The following PLEKHA5 variants were observed in gnomAD, a reference collection of about 807,000 sequenced individuals.
PLEKHA5 encodes the protein pleckstrin homology domain-containing family A member 5.
A neutral mutation model predicts 181.9 loss-of-function variants in PLEKHA5; 55 were observed. The ratio of observed to expected loss-of-function variants is 0.30; its 90% CI spans 0.24 to 0.38. The LOEUF is 0.38. Among genes scored for constraint, PLEKHA5 ranks in the 10% least tolerant of loss-of-function variants. PLEKHA5 has a pLI of 1.00. For synonymous variants in PLEKHA5, 535 were observed against 529.4 expected (o/e 1.01, Z -0.15); for missense variants, 1,432 against 1,549.5 (o/e 0.92, Z 1.27).
chr12:19,165,467 T>C (rs2044127434), intron 3 of PLEKHA5, among the ~76,000 whole-genome samples: 1 of 152,020 alleles, frequency 6.6e-6, no homozygotes, highest in Non-Finnish European at 1.5e-5. Context: ...ATGAATTACA[T>C]TTTGGATCAA....
chr12:19,352,947 T>A (rs1051681046), intron 25 of PLEKHA5, among the ~76,000 whole-genome samples: 22 of 113,180 alleles, frequency 1.9e-4, no homozygotes, highest in South Asian at 2.9e-4. Flanking sequence ...CACACCCAGC[T>A]TTTTTTTTTT....
At chr12:19,359,378 A>T in intron 27 of PLEKHA5, 34 bp from the exon 28 acceptor site, 2 of 1,592,080 alleles carry the variant, frequency 1.3e-6, no homozygotes, top group Non-Finnish European at 1.7e-6. Context: ...CATGCACAGT[A>T]TGAGTATAAA....
Position 19,336,537 on chromosome 12 carries a change from A to T in PLEKHA5, c.2471A>T (p.Glu824Val). Residue 824 changes from glutamate (E) to valine (V), a missense_variant, in exon 21 of 32, where the codon GAA (glutamate) becomes GTA (valine). Glu to Val is a moderately radical substitution (Grantham distance 121). Coordinates refer to ENST00000429027, the MANE Select transcript of PLEKHA5 (RefSeq NM_001256470.2). ...ATAELERAWR[E>V]YDKLEYDVTV... ...TAGGAATTGGAACGAGCATGGAGAGAATATGATAAGTTAGAATACGATGTA... is the reference window on the plus strand; with the variant it reads ...TAGGAATTGGAACGAGCATGGAGAGTATATGATAAGTTAGAATACGATGTA... 6.2e-7 allele frequency: 1 copy of T among 1,604,788 alleles called. No homozygotes were observed. The highest frequency in any genetic ancestry group is 8.5e-7 in the Non-Finnish European group (1 of 1,172,746).
intron 6 of PLEKHA5, among the ~76,000 whole-genome samples, chr12:19,257,873 A>G (rs2067270330): frequency 6.6e-6 from 1 of 152,174 alleles, no homozygotes; most frequent in African/African-American, 2.4e-5. Flanking sequence ...ATAAACAACT[A>G]AATATTAATA....
At chr12:19,263,950 G>A (rs2069423457) in intron 7 of PLEKHA5, among the ~76,000 whole-genome samples, 1 of 152,154 alleles carries the variant, frequency 6.6e-6, no homozygotes. Flanking sequence ...CTAGGTAATA[G>A]AAACTAGGAC....
intron 3 of PLEKHA5, among the ~76,000 whole-genome samples, chr12:19,246,414 G>A (rs2063758066): frequency 6.6e-6 from 1 of 151,748 alleles, no homozygotes; most frequent in South Asian, 2.1e-4. Flanking sequence ...CATGAGGTCA[G>A]GAGTTTGAGA....
intron 29 of PLEKHA5, among the ~76,000 whole-genome samples, chr12:19,363,574 C>T (rs2095330572): frequency 6.6e-6 from 1 of 151,968 alleles, no homozygotes; most frequent in South Asian, 2.1e-4. Flanking sequence ...ACACTGCAAC[C>T]TCCACCTCCT....
intron 3 of PLEKHA5, among the ~76,000 whole-genome samples, chr12:19,169,263 TAA>T (rs113327862): frequency 0.019 from 2,598 of 139,294 alleles, 88 homozygotes; most frequent in African/African-American, 0.064. Context: ...GTTGTCAAGT[TAA>T]AAAAAAAAAA....
At chr12:19,182,977 C>G (rs1322341448) in intron 3 of PLEKHA5, among the ~76,000 whole-genome samples, 1 of 152,076 alleles carries the variant, frequency 6.6e-6, no homozygotes, top group East Asian at 1.9e-4. Flanking sequence ...CACAGATGAA[C>G]AAAACAAGTT....
At chr12:19,174,689 C>T (rs12308977) in intron 3 of PLEKHA5, among the ~76,000 whole-genome samples, 18 of 152,068 alleles carry the variant, frequency 1.2e-4, no homozygotes, top group African/African-American at 3.9e-4. Context: ...GTAGCAGAGC[C>T]GAGACCAGAA....
At chr12:19,212,581 G>A (rs941955359) in intron 3 of PLEKHA5, among the ~76,000 whole-genome samples, 3 of 151,390 alleles carry the variant, frequency 2.0e-5, no homozygotes, top group African/African-American at 7.3e-5. Flanking sequence ...CTCCGGAGGC[G>A]GAGACACAAG....
At chr12:19,252,774 A>G (rs1158601092) in intron 3 of PLEKHA5, among the ~76,000 whole-genome samples, 3 of 151,968 alleles carry the variant, frequency 2.0e-5, no homozygotes, top group Non-Finnish European at 4.4e-5. Flanking sequence ...ATCTCATTAC[A>G]TTATCTATAT....
In PLEKHA5 at chr12:19,273,749, T is replaced by G. The variant is rs796272618; in HGVS notation, c.846-767T>G. On this transcript the variant is annotated intron_variant, in intron 10 of 31. Coordinates refer to ENST00000429027, the MANE Select transcript of PLEKHA5 (RefSeq NM_001256470.2). ...CATTCTTTCAGTGGCCAGGTGGACA[T>G]GGGATGCCAGATTCTAACCCAAGAT... Among the ~76,000 whole-genome samples the G allele has an allele frequency of 4.6e-5, 7 of 152,292 alleles. 1 individual carries two copies. The highest frequency in any genetic ancestry group is 1.4e-4 in the African/African-American group (6 of 41,556).
chr12:19,203,104 A>G (rs2054568823), intron 3 of PLEKHA5, among the ~76,000 whole-genome samples: 2 of 152,240 alleles, frequency 1.3e-5, no homozygotes, highest in South Asian at 4.1e-4. Context: ...TAATTACAAG[A>G]TGATCTCAAT....
chr12:19,306,630 G>C, intron 15 of PLEKHA5: 1 of 1,112,312 alleles, frequency 9.0e-7, no homozygotes, highest in Non-Finnish European at 1.4e-6. Context: ...GGCGGTGGAG[G>C]CGGCGGCATC....
chr12:19,187,476 T>C (rs887109661), intron 3 of PLEKHA5, among the ~76,000 whole-genome samples: 5 of 152,174 alleles, frequency 3.3e-5, no homozygotes, highest in East Asian at 1.9e-4. Flanking sequence ...AGGAACTGTT[T>C]CCAGGTTGAT....
At chr12:19,336,375 G>T (rs2093426596) in intron 20 of PLEKHA5, 140 bp from the exon 21 acceptor site, 1 of 519,640 alleles carries the variant, frequency 1.9e-6, no homozygotes, top group Admixed American at 3.9e-5. Flanking sequence ...TTTAAAAAGG[G>T]ACAAAAATGG....
intron 19 of PLEKHA5, 50 bp downstream of exon 19, chr12:19,322,440 A>G (rs749386330): frequency 1.9e-6 from 3 of 1,549,684 alleles, no homozygotes; most frequent in African/African-American, 2.7e-5. Context: ...TAATATGATT[A>G]TTATCAGGAC....
chr12:19,148,103 C>T (rs370332124), intron 3 of PLEKHA5, among the ~76,000 whole-genome samples: 166 of 152,048 alleles, frequency 1.1e-3, no homozygotes, highest in African/African-American at 3.8e-3. Context: ...GTTGCCCGGG[C>T]TGGAGTGCAG....
Sources: allele counts gnomAD v4.1 joint callset (sites outside exome capture counted in the v4.1 genomes callset), GRCh38; gene constraint gnomAD v4.1.1; transcripts MANE v1.5; gene names NCBI Gene and HGNC (gene_info 2026-07-23, HGNC 2026-07-21).